Variants in PXDNL observed in about 807,000 individuals in gnomAD.
The protein encoded by PXDNL is probable oxidoreductase PXDNL.
In PXDNL, 145 loss-of-function variants were observed where a neutral mutation model predicts 150.8. The observed-to-expected ratio is 0.96, with a 90% CI of 0.84 to 1.10. The LOEUF (loss-of-function observed/expected upper bound fraction) is 1.10. PXDNL is among the 50% of genes least tolerant of loss of function. The pLI is 0.00. For synonymous variants in PXDNL, 757 were observed against 725.7 expected (o/e 1.04, Z -0.69); for missense variants, 2,087 against 1,873.9 (o/e 1.11, Z -2.10).
intron 21 of PXDNL, among the ~76,000 whole-genome samples, chr8:51,327,857 C>A (rs185261613): frequency 6.6e-6 from 1 of 152,270 alleles, no homozygotes; most frequent in East Asian, 1.9e-4. Context: ...GAAGGGCAAA[C>A]CACTAAGGTG....
intron 5 of PXDNL, among the ~76,000 whole-genome samples, chr8:51,493,647 T>G (rs1810957743): frequency 6.6e-6 from 1 of 152,134 alleles, no homozygotes; most frequent in Non-Finnish European, 1.5e-5. Context: ...CAAGCCTCAG[T>G]AGCCGATTTG....
chr8:51,385,600 C>G (rs1807682968), intron 17 of PXDNL, among the ~76,000 whole-genome samples: 1 of 152,174 alleles, frequency 6.6e-6, no homozygotes, highest in Non-Finnish European at 1.5e-5. Flanking sequence ...AGTCAGAAGG[C>G]ATAAACAGAT....
chr8:51,668,536 T>G (rs1484099028), intron 1 of PXDNL, among the ~76,000 whole-genome samples: 2 of 152,084 alleles, frequency 1.3e-5, no homozygotes, highest in Non-Finnish European at 2.9e-5. Context: ...AGAAAAGCAC[T>G]CTTACGAGAA....
chr8:51,790,268 G>A (rs1447539572), intron 1 of PXDNL, among the ~76,000 whole-genome samples: 1 of 151,598 alleles, frequency 6.6e-6, no homozygotes, highest in African/African-American at 2.4e-5. Context: ...TCATTCAAAA[G>A]GAAGAGGAGG....
At chr8:51,710,789 T>G (rs79280972) in intron 1 of PXDNL, among the ~76,000 whole-genome samples, 8,148 of 152,294 alleles carry the variant, frequency 0.054, 233 homozygotes, top group African/African-American at 0.083. Flanking sequence ...GTCATACCAA[T>G]AGATACAGAA....
At chr8:51,646,591 C>A (rs900564819) in intron 2 of PXDNL, among the ~76,000 whole-genome samples, 15 of 152,048 alleles carry the variant, frequency 9.9e-5, no homozygotes, top group Admixed American at 3.9e-4. Flanking sequence ...TGGTAGTGCT[C>A]CAGACTGACC....
intron 3 of PXDNL, among the ~76,000 whole-genome samples, chr8:51,569,472 A>G (rs1366925917): frequency 6.6e-6 from 1 of 151,964 alleles, no homozygotes; most frequent in Non-Finnish European, 1.5e-5. Context: ...AGAGATAAAC[A>G]CACATGACAA....
At chr8:51,644,804 C>T (rs928700109) in intron 2 of PXDNL, among the ~76,000 whole-genome samples, 38 of 151,898 alleles carry the variant, frequency 2.5e-4, no homozygotes, top group Admixed American at 1.8e-3. Context: ...GCAGCAGCAG[C>T]GTGAAGGGGG....
chr8:51,720,382 T>C (rs1033122192), intron 1 of PXDNL, among the ~76,000 whole-genome samples: 1 of 152,194 alleles, frequency 6.6e-6, no homozygotes, highest in Non-Finnish European at 1.5e-5. Flanking sequence ...CATGTTTATT[T>C]TCCCAACTTC....
chr8:51,777,428 A>G (rs1425870515), intron 1 of PXDNL, among the ~76,000 whole-genome samples: 1 of 152,272 alleles, frequency 6.6e-6, no homozygotes, highest in Non-Finnish European at 1.5e-5. Context: ...GTGAAACCAT[A>G]GCTGCCACTG....
chr8:51,689,694 G>C (rs1443497360), intron 1 of PXDNL, among the ~76,000 whole-genome samples: 1 of 152,118 alleles, frequency 6.6e-6, no homozygotes, highest in Non-Finnish European at 1.5e-5. Context: ...CAACAGGGAA[G>C]TTTCTGGAAA....
At chr8:51,453,467 T>C in intron 10 of PXDNL, 52 bp downstream of exon 10, 2 of 1,568,538 alleles carry the variant, frequency 1.3e-6, no homozygotes, top group South Asian at 2.3e-5. Context: ...GAAAAATAAT[T>C]TTCTGAGTGT....
intron 17 of PXDNL, among the ~76,000 whole-genome samples, chr8:51,379,207 C>G (rs1293779761): frequency 6.6e-6 from 1 of 152,112 alleles, no homozygotes; most frequent in Non-Finnish European, 1.5e-5. Flanking sequence ...GCCATTGAAA[C>G]TCATGCCATT....
chr8:51,741,950 C>T (rs7012129), intron 1 of PXDNL, among the ~76,000 whole-genome samples: 5,442 of 152,192 alleles, frequency 0.036, 304 homozygotes, highest in African/African-American at 0.12. Flanking sequence ...AAGATCACAG[C>T]GTTTTTATTC....
chr8:51,771,541 CT>C (rs2037293323), intron 1 of PXDNL, among the ~76,000 whole-genome samples: 1 of 152,170 alleles, frequency 6.6e-6, no homozygotes, highest in Non-Finnish European at 1.5e-5. Context: ...CCAAAGACCC[CT>C]ATCCTTGGGG....
Position 51,535,282 on chromosome 8 carries a change from A to G in PXDNL, c.380+21558T>C, listed in dbSNP as rs1351209101. 6.3e-5 allele frequency among the ~76,000 whole-genome samples: 7 copies of G among 111,016 alleles called. 1 individual carries two copies. Among genetic ancestry groups the G allele is most frequent in the African/African-American group, 3.4e-4 (7 of 20,514 alleles). The allele number at this position is 111,016 out of a possible 152,430, so 72.8% of individuals were successfully genotyped here. On this transcript the variant is annotated intron_variant, in intron 4 of 22. Transcript: ENST00000356297. The stretch of plus-strand genomic sequence containing the variant: ...CGGTTTTGTGGAATAGAAAGGCGGG[A>G]AGGGTGGGGAAAAAATTGAGAAATC...
chr8:51,658,076 G>T (rs1815189656), intron 1 of PXDNL, among the ~76,000 whole-genome samples: 1 of 152,112 alleles, frequency 6.6e-6, no homozygotes, highest in South Asian at 2.1e-4. Flanking sequence ...GGGTGCAGTA[G>T]CTCATGCCTG....
At chr8:51,766,683 A>G (rs12680128) in intron 1 of PXDNL, among the ~76,000 whole-genome samples, 27,225 of 151,982 alleles carry the variant, frequency 0.18, 2,848 homozygotes, top group Non-Finnish European at 0.22. Flanking sequence ...CATGGTTTAT[A>G]ATGAGAAATC....
intron 1 of PXDNL, among the ~76,000 whole-genome samples, chr8:51,765,896 T>G (rs903515226): frequency 5.3e-5 from 8 of 151,836 alleles, no homozygotes; most frequent in African/African-American, 1.9e-4. Flanking sequence ...CAGGCTGGAG[T>G]GCAGTGGTGC....
Sources: gnomAD v4.1 joint callset for allele counts (sites outside exome capture counted in the v4.1 genomes callset) on GRCh38, gnomAD v4.1.1 for gene constraint, MANE v1.5 for transcripts, NCBI Gene and HGNC (gene_info 2026-07-23, HGNC 2026-07-21) for gene names.